The following ERC2 variants were observed in gnomAD, a reference collection of about 807,000 sequenced individuals.
ERC2 encodes the protein ERC protein 2.
ERC2 carries 42 observed loss-of-function variants against 114.8 expected under a neutral mutation model. That is an observed-to-expected ratio of 0.37 (90% CI 0.29 to 0.47). The LOEUF (loss-of-function observed/expected upper bound fraction) is 0.47. Among genes scored for constraint, ERC2 ranks in the 20% least tolerant of loss-of-function variants. The pLI, the probability that ERC2 is intolerant of heterozygous loss-of-function variation, is 0.99. For synonymous variants in ERC2, 454 were observed against 425.5 expected (o/e 1.07, Z -0.82); for missense variants, 939 against 1,150.7 (o/e 0.82, Z 2.66).
intron 15 of ERC2, among the ~76,000 whole-genome samples, chr3:55,726,177 A>T (rs1008620117): frequency 6.6e-5 from 10 of 152,370 alleles, no homozygotes; most frequent in Admixed American, 6.5e-4. Flanking sequence ...GGTCTGCTGT[A>T]AAAACCAATA....
At chr3:56,381,722 GA>G (rs1033362919) in intron 2 of ERC2, among the ~76,000 whole-genome samples, 7 of 128,782 alleles carry the variant, frequency 5.4e-5, no homozygotes, top group African/African-American at 2.0e-4. Context: ...GAAAGGAAAA[GA>G]AAAAAAATAG....
intron 2 of ERC2, among the ~76,000 whole-genome samples, chr3:56,370,279 C>T (rs1166650314): frequency 6.6e-6 from 1 of 152,182 alleles, no homozygotes; most frequent in Non-Finnish European, 1.5e-5. Context: ...ATAATACTAC[C>T]TCTGCCCTGG....
At chr3:55,799,365 T>G (rs72877116) in intron 14 of ERC2, among the ~76,000 whole-genome samples, 28,200 of 144,592 alleles carry the variant, frequency 0.2, 2,860 homozygotes, top group Middle Eastern at 0.28. Flanking sequence ...ACAATTCTTA[T>G]ATATATATAT....
intron 2 of ERC2, among the ~76,000 whole-genome samples, chr3:56,303,729 C>A (rs1327101354): frequency 6.6e-6 from 1 of 152,142 alleles, no homozygotes; most frequent in Non-Finnish European, 1.5e-5. Flanking sequence ...CTCACTGAAG[C>A]GAGGGAACTG....
chr3:56,171,843 C>CTT (rs34797642), intron 4 of ERC2, among the ~76,000 whole-genome samples: 4,908 of 139,190 alleles, frequency 0.035, 111 homozygotes, highest in Non-Finnish European at 0.049. Context: ...GAAACTCGCT[C>CTT]TTTTTTTTTT....
At chr3:55,884,924 T>C (rs1011035375) in intron 14 of ERC2, among the ~76,000 whole-genome samples, 13 of 152,204 alleles carry the variant, frequency 8.5e-5, no homozygotes, top group Admixed American at 6.5e-4. Context: ...ACAAGAGTTC[T>C]GTAGAGTAAG....
At chr3:56,037,907 G>A (rs1462571448) in intron 7 of ERC2, among the ~76,000 whole-genome samples, 1 of 152,086 alleles carries the variant, frequency 6.6e-6, no homozygotes, top group Non-Finnish European at 1.5e-5. Flanking sequence ...TCAGGAAATT[G>A]AAACAGGACC....
chr3:55,684,774 A>C (rs897811609), intron 16 of ERC2, among the ~76,000 whole-genome samples: 4 of 152,194 alleles, frequency 2.6e-5, no homozygotes, highest in African/African-American at 9.6e-5. Context: ...CCCTTTTTTG[A>C]ACAATTCTCA....
chr3:55,993,765 T>C (rs2071267466), intron 10 of ERC2, among the ~76,000 whole-genome samples: 1 of 151,972 alleles, frequency 6.6e-6, no homozygotes, highest in African/African-American at 2.4e-5. Flanking sequence ...TCAGAAAACA[T>C]TTATTTTCAT....
intron 2 of ERC2, among the ~76,000 whole-genome samples, chr3:56,348,899 G>A (rs150622462): frequency 0.045 from 1,609 of 35,604 alleles, 23 homozygotes; most frequent in African/African-American, 0.097. Flanking sequence ...AAGGAAGGAA[G>A]GAAGGAAAGA....
At chr3:55,898,918 G>A (rs1008227270) in intron 13 of ERC2, among the ~76,000 whole-genome samples, 3 of 152,134 alleles carry the variant, frequency 2.0e-5, no homozygotes, top group South Asian at 2.1e-4. Flanking sequence ...GAGAAGCATC[G>A]CACAGTAGAT....
At chr3:56,037,030 C>T (rs890007760) in intron 7 of ERC2, among the ~76,000 whole-genome samples, 1 of 152,178 alleles carries the variant, frequency 6.6e-6, no homozygotes, top group Admixed American at 6.5e-5. Context: ...CCTACAAAAA[C>T]CCCATCCAAA....
Position 55,722,832 on chromosome 3 carries a change from T to C in ERC2, c.2712+11939A>G, listed in dbSNP as rs965483219. ...ATCTATGAGTGGCATGTTTTCAGAA[T>C]GTAGCCTGAAAAATTTAACACGAAC... On this transcript the variant is annotated intron_variant, in intron 15 of 17. Coordinates refer to ENST00000288221, the MANE Select transcript of ERC2 (RefSeq NM_015576.3). 3.9e-5 allele frequency among the ~76,000 whole-genome samples: 6 copies of C among 152,226 alleles called. 1 individual carries two copies. In the East Asian group the frequency reaches 9.6e-4, roughly 24 times the overall value.
chr3:55,591,702 G>T (rs1237151274), intron 17 of ERC2, among the ~76,000 whole-genome samples: 1 of 152,072 alleles, frequency 6.6e-6, no homozygotes, highest in Non-Finnish European at 1.5e-5. Flanking sequence ...GGTCCCGGGG[G>T]TCTCCCCAGC....
intron 6 of ERC2, among the ~76,000 whole-genome samples, chr3:56,093,040 A>G (rs1472963945): frequency 2.0e-5 from 3 of 152,120 alleles, no homozygotes; most frequent in African/African-American, 7.2e-5. Context: ...ATAACCTCCA[A>G]TGAGATATGC....
At chr3:56,016,480 T>C (rs1424360344) in intron 8 of ERC2, among the ~76,000 whole-genome samples, 1 of 151,272 alleles carries the variant, frequency 6.6e-6, no homozygotes, top group African/African-American at 2.4e-5. Context: ...TGCTTACCCA[T>C]CTTTTTAGAG....
At chr3:55,827,441 A>G (rs908535761) in intron 14 of ERC2, among the ~76,000 whole-genome samples, 24 of 151,930 alleles carry the variant, frequency 1.6e-4, no homozygotes, top group Admixed American at 1.4e-3. Context: ...GGAGGGAGGG[A>G]GGAAGAAAGG....
chr3:55,633,366 C>T (rs1234739065), intron 17 of ERC2, among the ~76,000 whole-genome samples: 1 of 152,146 alleles, frequency 6.6e-6, no homozygotes. Flanking sequence ...GAACACTAGG[C>T]AGTAGGGTCT....
intron 13 of ERC2, among the ~76,000 whole-genome samples, chr3:55,921,011 T>G (rs1453426729): frequency 6.6e-6 from 1 of 152,084 alleles, no homozygotes; most frequent in Non-Finnish European, 1.5e-5. Context: ...ACCACTCGGT[T>G]CTGGTGGGAA....
Sources: allele counts gnomAD v4.1 joint callset (sites outside exome capture counted in the v4.1 genomes callset), GRCh38; gene constraint gnomAD v4.1.1; transcripts MANE v1.5; gene names NCBI Gene and HGNC (gene_info 2026-07-23, HGNC 2026-07-21).